The following FGF13 variants were observed in gnomAD, a reference collection of about 807,000 sequenced individuals.
FGF13 encodes fibroblast growth factor homologous factor 2.
A neutral mutation model predicts 19.5 loss-of-function variants in FGF13; 2 were observed. The observed-to-expected ratio is 0.10, with a 90% CI of 0.04 to 0.32. The LOEUF (loss-of-function observed/expected upper bound fraction) is 0.32. Ranked by LOEUF, FGF13 falls within the 10% of genes least tolerant of loss-of-function variation. The probability of loss-of-function intolerance (pLI) is 1.00; values close to 1 mark genes in which losing one functional copy is unlikely to be tolerated. For missense variants in FGF13, 113 were observed against 192.7 expected (o/e 0.59, Z 2.45); for synonymous variants, 72 against 76.9 (o/e 0.94, Z 0.33).
intron 3 of FGF13, among the ~76,000 whole-genome samples, chrX:138,835,048 C>CAA (rs1187060158): frequency 9.0e-5 from 10 of 111,642 alleles, no homozygotes; most frequent in African/African-American, 3.3e-4. Context: ...CAGTTATTTT[C>CAA]CATTTGCTGA....
At chrX:139,103,376 A>C (rs1160871417) in intron 1 of FGF13, among the ~76,000 whole-genome samples, 2 of 112,517 alleles carry the variant, frequency 1.8e-5, no homozygotes, top group Non-Finnish European at 1.9e-5. Flanking sequence ...TACGTGCTAC[A>C]TGTGAGAATT....
At chrX:139,102,779 G>A (rs2083524638) in intron 1 of FGF13, among the ~76,000 whole-genome samples, 1 of 112,561 alleles carries the variant, frequency 8.9e-6, no homozygotes, top group Non-Finnish European at 1.9e-5. Context: ...GAGAGGCTTA[G>A]GGGATGAAAG....
chrX:138,815,185 G>C (rs1375428555), intron 3 of FGF13, among the ~76,000 whole-genome samples: 1 of 110,444 alleles, frequency 9.1e-6, no homozygotes, highest in Non-Finnish European at 1.9e-5. Context: ...CCAGGGGCTG[G>C]GGAGGGGTGA....
intron 3 of FGF13, among the ~76,000 whole-genome samples, chrX:138,698,623 G>A (rs937465468): frequency 2.7e-5 from 3 of 111,446 alleles, no homozygotes; most frequent in African/African-American, 9.8e-5. Flanking sequence ...CATTAGCTGG[G>A]GAGCTTTCGA....
intron 1 of FGF13, among the ~76,000 whole-genome samples, chrX:138,998,156 C>G (rs889079622): frequency 9.0e-5 from 10 of 111,485 alleles, no homozygotes; most frequent in African/African-American, 3.3e-4. Context: ...CACCACCAGG[C>G]CTGCCTTACA....
intron 2 of FGF13, among the ~76,000 whole-genome samples, chrX:138,704,799 G>C (rs1221116187): frequency 8.9e-6 from 1 of 112,213 alleles, no homozygotes; most frequent in Non-Finnish European, 1.9e-5. Flanking sequence ...GTTATGTGAG[G>C]TAAAGGAATG....
chrX:139,198,857 T>C (rs976828306), intron 1 of FGF13, among the ~76,000 whole-genome samples: 5 of 112,201 alleles, frequency 4.5e-5, no homozygotes, highest in African/African-American at 1.6e-4. Flanking sequence ...ATTATTTCAC[T>C]TCTTTAGGAA....
At chrX:138,642,340 C>T (rs1479688294) in intron 3 of FGF13, among the ~76,000 whole-genome samples, 1 of 111,811 alleles carries the variant, frequency 8.9e-6, no homozygotes, top group Non-Finnish European at 1.9e-5. Context: ...GCAAGAACCT[C>T]ATACTCCTGG....
chrX:138,931,583 T>C (rs2091701681), intron 1 of FGF13, among the ~76,000 whole-genome samples: 1 of 111,901 alleles, frequency 8.9e-6, no homozygotes, highest in Admixed American at 9.5e-5. Flanking sequence ...CTGAGTGTTC[T>C]TCCAATCCTA....
chrX:139,140,668 G>A (rs972538662), intron 1 of FGF13, among the ~76,000 whole-genome samples: 2 of 110,864 alleles, frequency 1.8e-5, no homozygotes, highest in African/African-American at 3.3e-5. Context: ...AGGCAGTATG[G>A]GGGAGGGGAG....
chrX:138,998,291 C>T (rs2092053162), intron 1 of FGF13, among the ~76,000 whole-genome samples: 1 of 111,255 alleles, frequency 9.0e-6, no homozygotes, highest in Non-Finnish European at 1.9e-5. Flanking sequence ...GGAAAAATAA[C>T]CAGTTAGCAT....
At chrX:138,726,834 A>G (rs1366194582) in intron 1 of FGF13, among the ~76,000 whole-genome samples, 2 of 111,808 alleles carry the variant, frequency 1.8e-5, no homozygotes. Context: ...TATTACTCCT[A>G]ACTTTTGGAT....
intron 1 of FGF13, among the ~76,000 whole-genome samples, chrX:138,954,517 T>A (rs2091831497): frequency 8.9e-6 from 1 of 111,843 alleles, no homozygotes; most frequent in African/African-American, 3.2e-5. Context: ...TATTAATGCC[T>A]GTTTCAAATA....
At chrX:138,879,600 C>G (rs1411982451) in intron 1 of FGF13, among the ~76,000 whole-genome samples, 1 of 111,361 alleles carries the variant, frequency 9.0e-6, no homozygotes, top group African/African-American at 3.3e-5. Flanking sequence ...TGGTGGTTTG[C>G]TGCACCCATC....
At chrX:139,017,895 G>A (rs1352015529) in intron 1 of FGF13, among the ~76,000 whole-genome samples, 1 of 111,676 alleles carries the variant, frequency 9.0e-6, no homozygotes, top group Non-Finnish European at 1.9e-5. Context: ...GTGGAGATGG[G>A]AAGATCCAAC....
At chrX:138,985,395 C>T (rs1362594768) in intron 1 of FGF13, among the ~76,000 whole-genome samples, 6 of 112,043 alleles carry the variant, frequency 5.4e-5, no homozygotes, top group African/African-American at 1.9e-4. Context: ...GGCTTTCCAC[C>T]ATGCCCCTGC....
intron 1 of FGF13, among the ~76,000 whole-genome samples, chrX:139,053,937 T>C (rs1156285557): frequency 9.1e-6 from 1 of 110,365 alleles, no homozygotes; most frequent in Non-Finnish European, 1.9e-5. Flanking sequence ...TTGTATAAGG[T>C]GAGAGATGAG....
At chrX:139,037,711 T>C (rs1030504068) in intron 1 of FGF13, among the ~76,000 whole-genome samples, 2 of 112,137 alleles carry the variant, frequency 1.8e-5, no homozygotes, top group African/African-American at 3.2e-5. Flanking sequence ...TACAATTACA[T>C]AGGGCCTGCC....
At chrX:138,972,661 C>A (rs962795313) in intron 1 of FGF13, among the ~76,000 whole-genome samples, 4 of 110,957 alleles carry the variant, frequency 3.6e-5, no homozygotes, top group African/African-American at 1.3e-4. Flanking sequence ...CGGGCCCTCA[C>A]CATCATTTTT....
Sources: allele counts gnomAD v4.1 joint callset (sites outside exome capture counted in the v4.1 genomes callset), GRCh38; gene constraint gnomAD v4.1.1; transcripts MANE v1.5; gene names NCBI Gene and HGNC (gene_info 2026-07-23, HGNC 2026-07-21).